The following XPO7 variants were observed in gnomAD, a reference collection of about 807,000 sequenced individuals.
XPO7 encodes the protein exportin-7.
Under a neutral mutation model 144.3 loss-of-function variants are expected in XPO7, and 21 were observed. That is an observed-to-expected ratio of 0.15 (90% CI 0.10 to 0.21). The LOEUF (loss-of-function observed/expected upper bound fraction) is 0.21, where lower values mean the gene tolerates loss of function less well. XPO7 is among the 10% of genes least tolerant of loss of function. The pLI is 1.00. For missense variants in XPO7, 808 were observed against 1,325.8 expected (o/e 0.61, Z 6.06); for synonymous variants, 580 against 499.6 (o/e 1.16, Z -2.15).
chr8:21,989,719 A>AC (rs1404467409), intron 16 of XPO7, among the ~76,000 whole-genome samples: 3 of 149,340 alleles, frequency 2.0e-5, no homozygotes, highest in Admixed American at 6.7e-5. Context: ...CTCCCTTGGA[A>AC]CCCCTGCTGA....
chr8:21,995,746 G>T (rs1812926439), intron 21 of XPO7, 147 bp downstream of exon 21: 3 of 590,542 alleles, frequency 5.1e-6, no homozygotes, highest in Non-Finnish European at 8.5e-6. Context: ...TTTTGTTTGT[G>T]TGAAAGAATA....
At position 21,981,893 on chromosome 8, in the gene XPO7, C is replaced by T. The variant is rs368006516; in HGVS notation, c.1104+16C>T. 16 of 1,609,602 alleles carry T rather than the reference C, an allele frequency of 9.9e-6. No individual in the cohort carries two copies. The highest frequency in any genetic ancestry group is 1.6e-4 in the Middle Eastern group (1 of 6,062). ...CAGCCTACAGGTTTGTCTTTGATTA[C>T]TTGTGTCTTCCTTCCTAAATACTGG... is the stretch of plus-strand genomic sequence containing the variant. On this transcript the variant is annotated intron_variant, in intron 10 of 27. Coordinates refer to ENST00000252512, the MANE Select transcript of XPO7 (RefSeq NM_015024.5).
At chr8:21,970,771 A>G (rs1388667693) in intron 4 of XPO7, among the ~76,000 whole-genome samples, 1 of 152,164 alleles carries the variant, frequency 6.6e-6, no homozygotes, top group Non-Finnish European at 1.5e-5. Flanking sequence ...GACCACATAT[A>G]CAACAGCAGT....
chr8:21,981,650 C>T, intron 9 of XPO7, 81 bp from the exon 10 acceptor site: 1 of 1,536,370 alleles, frequency 6.5e-7, no homozygotes, highest in Non-Finnish European at 8.9e-7. Flanking sequence ...CCCCTTCCCC[C>T]ATGCCATCTC....
At chr8:21,946,976 T>C (rs977799126) in intron 1 of XPO7, among the ~76,000 whole-genome samples, 5 of 152,170 alleles carry the variant, frequency 3.3e-5, no homozygotes, top group South Asian at 2.1e-4. Context: ...CTAAAAGTCA[T>C]TTTTAGATAA....
chr8:21,976,313 A>G (rs1158820325), intron 6 of XPO7, 43 bp from the exon 7 acceptor site: 2 of 1,596,050 alleles, frequency 1.3e-6, no homozygotes, highest in Admixed American at 1.7e-5. Flanking sequence ...AGCTGGGAAG[A>G]GAGGAGTGAT....
At position 21,959,955 on chromosome 8, in the gene XPO7, T is replaced by C. The variant is rs192366546; in HGVS notation, c.19-6902T>C. On this transcript the variant is annotated intron_variant, in intron 1 of 27. Transcript: ENST00000252512. ...TAGTTCCTTGTGTTTTAACCGAATT[T>C]GGTGAAGCAGTAGTACCCAAAGTTC... Among the ~76,000 whole-genome samples, 46 of 152,320 alleles carry C rather than the reference T, an allele frequency of 3.0e-4. No homozygotes were observed. In the East Asian group the frequency reaches 8.3e-3, roughly 27 times the overall value.
intron 1 of XPO7, among the ~76,000 whole-genome samples, chr8:21,931,906 C>T (rs1443091807): frequency 6.6e-6 from 1 of 152,110 alleles, no homozygotes; most frequent in African/African-American, 2.4e-5. Context: ...AAGTCTTGCT[C>T]TTGTTGCCTA....
intron 2 of XPO7, among the ~76,000 whole-genome samples, chr8:21,969,098 G>A (rs1811972390): frequency 6.6e-6 from 1 of 152,134 alleles, no homozygotes; most frequent in Admixed American, 6.5e-5. Context: ...ATTTTGAGGT[G>A]AAACTGTTTG....
chr8:21,945,295 G>A (rs577382613), intron 1 of XPO7, among the ~76,000 whole-genome samples: 3 of 152,132 alleles, frequency 2.0e-5, no homozygotes, highest in South Asian at 2.1e-4. Context: ...ATCTGTAATC[G>A]CAAAGGAAAC....
chr8:21,993,707 A>C (rs1422449774), intron 19 of XPO7, among the ~76,000 whole-genome samples: 1 of 152,136 alleles, frequency 6.6e-6, no homozygotes, highest in African/African-American at 2.4e-5. Context: ...CTTTTTCTGC[A>C]AATGGAGAGT....
intron 6 of XPO7, among the ~76,000 whole-genome samples, chr8:21,975,229 C>T (rs1440018287): frequency 6.6e-6 from 1 of 152,198 alleles, no homozygotes; most frequent in African/African-American, 2.4e-5. Context: ...CTGTCCCCCG[C>T]TGAGTTAAAA....
chr8:21,947,940 C>T (rs772781539), intron 1 of XPO7, among the ~76,000 whole-genome samples: 1 of 151,740 alleles, frequency 6.6e-6, no homozygotes, highest in Non-Finnish European at 1.5e-5. Context: ...GATAAAACTA[C>T]AAAAAATAAA....
intron 1 of XPO7, among the ~76,000 whole-genome samples, chr8:21,922,399 G>C (rs1810317738): frequency 6.6e-6 from 1 of 152,176 alleles, no homozygotes; most frequent in South Asian, 2.1e-4. Flanking sequence ...CCCTTAAGCA[G>C]CTCCTCGATG....
Position 21,987,828 on chromosome 8 carries a change from C to G in XPO7, c.1758C>G (p.Thr586=). 5.0e-6 allele frequency: 8 copies of G among 1,613,892 alleles called. No individual in the cohort carries two copies. The highest frequency in any genetic ancestry group is 6.8e-6 in the Non-Finnish European group (8 of 1,179,814). The change falls in exon 15 of 28, where the codon ACC becomes ACG. Residue 586 remains threonine (T), a synonymous_variant. Coordinates refer to ENST00000252512, the MANE Select transcript of XPO7 (RefSeq NM_015024.5). Reference sequence around the variant, plus strand: ...AAGTTCTGGGCTTGAATGATGAGACCATGGTCCTAAGCGTCTTCATAGGAA... The same window carrying G: ...AAGTTCTGGGCTTGAATGATGAGACGATGGTCCTAAGCGTCTTCATAGGAA... ...LSEVLGLNDE[T]MVLSVFIGKI...
chr8:21,998,971 A>G, intron 22 of XPO7, 120 bp from the exon 23 acceptor site: 1 of 1,452,388 alleles, frequency 6.9e-7, no homozygotes, highest in South Asian at 1.2e-5. Flanking sequence ...ATACATGTGC[A>G]TTAGAGTGCC....
At chr8:21,999,441 C>T (rs1813064978) in intron 23 of XPO7, 95 bp from the exon 24 acceptor site, 2 of 1,575,966 alleles carry the variant, frequency 1.3e-6, no homozygotes, top group African/African-American at 2.7e-5. Flanking sequence ...CTTCTGTTTT[C>T]CCACCTAAAA....
intron 1 of XPO7, among the ~76,000 whole-genome samples, chr8:21,930,087 A>G (rs192427718): frequency 6.6e-6 from 1 of 152,332 alleles, no homozygotes; most frequent in East Asian, 1.9e-4. Flanking sequence ...AGGCACCCAG[A>G]AGGATATGTT....
At chr8:21,990,594 G>A (rs1812738913) in intron 17 of XPO7, 187 bp downstream of exon 17, 2 of 745,168 alleles carry the variant, frequency 2.7e-6, no homozygotes, top group South Asian at 3.6e-5. Context: ...CAGATGATGT[G>A]AGTTATGGTG....
Sources: allele counts gnomAD v4.1 joint callset (sites outside exome capture counted in the v4.1 genomes callset), GRCh38; gene constraint gnomAD v4.1.1; transcripts MANE v1.5; gene names NCBI Gene and HGNC (gene_info 2026-07-23, HGNC 2026-07-21).